NR2C1: variants seen among roughly 807,000 people sequenced by gnomAD.
The protein encoded by NR2C1 is nuclear receptor subfamily 2 group C member 1.
NR2C1 carries 33 observed loss-of-function variants against 74.8 expected under a neutral mutation model. The observed-to-expected ratio is 0.44, with a 90% CI of 0.33 to 0.59. The LOEUF (loss-of-function observed/expected upper bound fraction) is 0.59, where lower values mean the gene tolerates loss of function less well. Among genes scored for constraint, NR2C1 ranks in the 20% least tolerant of loss-of-function variants. The pLI, the probability that NR2C1 is intolerant of heterozygous loss-of-function variation, is 0.02. For synonymous variants in NR2C1, 225 were observed against 240.6 expected, an observed-to-expected ratio of 0.94 and a Z score of 0.60; for missense variants, 568 against 715.6, an observed-to-expected ratio of 0.79 and a Z score of 2.35.
intron 9 of NR2C1, among the ~76,000 whole-genome samples, chr12:95,045,125 G>A (rs1872146758): frequency 6.6e-6 from 1 of 152,146 alleles, no homozygotes; most frequent in Non-Finnish European, 1.5e-5. Context: ...TTACCAGTAT[G>A]ACCCTAGATT....
At chr12:95,034,138 G>A (rs953869409) in intron 10 of NR2C1, among the ~76,000 whole-genome samples, 1 of 151,758 alleles carries the variant, frequency 6.6e-6, no homozygotes, top group Non-Finnish European at 1.5e-5. Context: ...TTAAATAATC[G>A]AACATACTTG....
intron 7 of NR2C1, among the ~76,000 whole-genome samples, chr12:95,056,641 T>C (rs1421934803): frequency 6.6e-6 from 1 of 152,204 alleles, no homozygotes; most frequent in Non-Finnish European, 1.5e-5. Context: ...CTAACAAATC[T>C]GTAAGGGAGC....
chr12:95,020,684 C>CT lies in NR2C1; in HGVS notation c.*1544dup, dbSNP rs1767114317. ...CAAAAATCTTTACAAAAAATGTACT[C>CT]TGAGTGCATTATCCGTGTTTGCTTT... On this transcript the variant is annotated 3_prime_UTR_variant, in exon 14 of 14. Coordinates refer to ENST00000333003, the MANE Select transcript of NR2C1 (RefSeq NM_003297.4). The CT allele has an allele frequency of 6.6e-6, 1 of 152,268 alleles. No homozygotes were observed. Among genetic ancestry groups the CT allele is most frequent in the South Asian group, 2.1e-4 (1 of 4,824 alleles). 9.4% of individuals were successfully genotyped at this position (152,268 alleles called of 1,614,324 possible). A position where few individuals can be genotyped will look rare whatever the true frequency, so the allele number is the denominator to read the frequency against.
intron 8 of NR2C1, among the ~76,000 whole-genome samples, chr12:95,050,230 C>A (rs1313239997): frequency 6.6e-6 from 1 of 152,134 alleles, no homozygotes; most frequent in Non-Finnish European, 1.5e-5. Context: ...AATAAGCCTC[C>A]TAGAGTTTCT....
At chr12:95,040,649 A>G (rs1225728331) in intron 9 of NR2C1, 52 bp from the exon 10 acceptor site, 5 of 1,524,084 alleles carry the variant, frequency 3.3e-6, no homozygotes, top group East Asian at 2.3e-5. Context: ...AAAGTTCTAA[A>G]TTATCATTTC....
At chr12:95,070,609 G>A (rs759014833) in intron 1 of NR2C1, among the ~76,000 whole-genome samples, 16 of 152,144 alleles carry the variant, frequency 1.1e-4, no homozygotes, top group Non-Finnish European at 2.2e-4. Context: ...TAGGGGCCAG[G>A]CATTCACAGA....
Position 95,022,109 on chromosome 12 carries a change from T to C in NR2C1, c.*120A>G. On this transcript the variant is annotated 3_prime_UTR_variant, in exon 14 of 14. Transcript: ENST00000333003. ...TAAGGGAAGCTAAAATAAAAATACC[T>C]TGGATTCTGGTTACTTTTTAAAGTA... 2 of 718,944 alleles carry C rather than the reference T, an allele frequency of 2.8e-6. No homozygotes were observed. The highest frequency in any genetic ancestry group is 2.1e-6 in the Non-Finnish European group (1 of 478,744). The allele number at this position is 718,944 out of a possible 1,614,324, so 44.5% of individuals were successfully genotyped here.
At chr12:95,061,727 T>C (rs1238344261) in intron 3 of NR2C1, among the ~76,000 whole-genome samples, 1 of 152,134 alleles carries the variant, frequency 6.6e-6, no homozygotes, top group Non-Finnish European at 1.5e-5. Context: ...CAATTTTAAG[T>C]AGACCCCCTT....
At chr12:95,057,976 T>G in intron 5 of NR2C1, 98 bp from the exon 6 acceptor site, 1 of 989,534 alleles carries the variant, frequency 1.0e-6, no homozygotes, top group Non-Finnish European at 1.5e-6. Flanking sequence ...ATAGGAGACA[T>G]GGCTACCATA....
chr12:95,051,344 G>A (rs566855454), intron 8 of NR2C1, among the ~76,000 whole-genome samples: 45 of 152,240 alleles, frequency 3.0e-4, no homozygotes, highest in Non-Finnish European at 3.1e-4. Context: ...AATCTTTTCT[G>A]TATACGCCCA....
At chr12:95,048,195 C>G (rs377564878) in intron 9 of NR2C1, among the ~76,000 whole-genome samples, 202 of 152,068 alleles carry the variant, frequency 1.3e-3, no homozygotes, top group Middle Eastern at 0.01. Flanking sequence ...CAAAGTACTG[C>G]GATGACAGGT....
At position 95,062,674 on chromosome 12, in the gene NR2C1, T is replaced by A. The variant is rs745722864; in HGVS notation, c.119A>T (p.Gln40Leu). Residue 40 changes from glutamine to leucine, a missense_variant, in exon 3 of 14, where the codon CAA becomes CTA. Physicochemically the swap from Gln to Leu is moderately radical, Grantham distance 113 (BLOSUM62 -2). Coordinates refer to ENST00000333003, the MANE Select transcript of NR2C1 (RefSeq NM_003297.4). ...ATTTGTCAGAATGAACTGCTTGCCTTGGGTATTATGATCAAGTGCTGTCAC... is the reference window on the plus strand; with the variant it reads ...ATTTGTCAGAATGAACTGCTTGCCTAGGGTATTATGATCAAGTGCTGTCAC... The part of the protein sequence containing the change: ...QIVTALDHNT[Q>L]GKQFILTNHD... 1.7e-5 allele frequency: 28 copies of A among 1,614,048 alleles called. No individual in the cohort carries two copies. The highest frequency in any genetic ancestry group is 8.5e-7 in the Non-Finnish European group (1 of 1,180,030).
Position 95,022,289 on chromosome 12 carries a change from T to C in NR2C1, c.1752A>G (p.Pro584=). Residue 584 remains proline (P), a synonymous_variant, in exon 14 of 14, where the codon CCA becomes CCG. Transcript: ENST00000333003. The part of the protein sequence containing the change: ...IGNIRIDSVI[P]HILKMEPADY... ...CTGCAGGCTCCATTTTCAAAATATG[T>C]GGGATAACACTGTCAATTCGTATAT... The C allele has an allele frequency of 6.2e-7, 1 of 1,612,324 alleles. No individual in the cohort carries two copies. The highest frequency in any genetic ancestry group is 8.5e-7 in the Non-Finnish European group (1 of 1,179,544).
intron 7 of NR2C1, among the ~76,000 whole-genome samples, chr12:95,055,293 C>T (rs1873673530): frequency 6.6e-6 from 1 of 152,198 alleles, no homozygotes; most frequent in African/African-American, 2.4e-5. Flanking sequence ...AGTAGTTTGT[C>T]AAGGAAACCT....
rs1474739804 is a variant in NR2C1 at position 95,021,250 on chromosome 12, C to T, written c.*979G>A. 2 of 152,068 alleles carry T rather than the reference C, an allele frequency of 1.3e-5. No individual in the cohort carries two copies. The highest frequency in any genetic ancestry group is 4.8e-5 in the African/African-American group (2 of 41,404). 9.4% of individuals were successfully genotyped at this position (152,068 alleles called of 1,614,324 possible). A position where few individuals can be genotyped will look rare whatever the true frequency, so the allele number is the denominator to read the frequency against. ...ACGAGGTCTTGCTATATTGCCCAGG[C>T]TGGTCTCGAACTCCTGAGCTCAAGC... On this transcript the variant is annotated 3_prime_UTR_variant, in exon 14 of 14. Coordinates refer to ENST00000333003, the MANE Select transcript of NR2C1 (RefSeq NM_003297.4).
chr12:95,020,900 A>G lies in NR2C1; in HGVS notation c.*1329T>C, dbSNP rs1868712359. 1 of 152,238 alleles carries G rather than the reference A, an allele frequency of 6.6e-6. No individual in the cohort carries two copies. 9.4% of individuals were successfully genotyped at this position (152,238 alleles called of 1,614,324 possible). A position where few individuals can be genotyped will look rare whatever the true frequency, so the allele number is the denominator to read the frequency against. On this transcript the variant is annotated 3_prime_UTR_variant, in exon 14 of 14. Coordinates refer to ENST00000333003, the MANE Select transcript of NR2C1 (RefSeq NM_003297.4). ...TGTTAAAGCAGCCCTCCCGTGCTTT[A>G]CAGTGAAAAAAATCAGTGAATATTT...
At chr12:95,061,223 A>G (rs911805710) in intron 3 of NR2C1, among the ~76,000 whole-genome samples, 4 of 152,236 alleles carry the variant, frequency 2.6e-5, no homozygotes, top group Non-Finnish European at 5.9e-5. Context: ...ACTCAATGCA[A>G]TAAGGTATCC....
At chr12:95,030,305 G>GA in intron 11 of NR2C1, 3 of 457,216 alleles carry the variant, frequency 6.6e-6, no homozygotes, top group Non-Finnish European at 9.9e-6. Flanking sequence ...TATTGGTTGG[G>GA]AAAAAATGAG....
chr12:95,048,196 G>A (rs528997194), intron 9 of NR2C1, among the ~76,000 whole-genome samples: 99 of 152,232 alleles, frequency 6.5e-4, no homozygotes, highest in African/African-American at 2.0e-3. Context: ...AAAGTACTGC[G>A]ATGACAGGTG....
Sources: gnomAD v4.1 joint callset for allele counts (sites outside exome capture counted in the v4.1 genomes callset) on GRCh38, gnomAD v4.1.1 for gene constraint, MANE v1.5 for transcripts, NCBI Gene and HGNC (gene_info 2026-07-23, HGNC 2026-07-21) for gene names.